The following ZNF727 variants were observed in gnomAD, a reference collection of about 807,000 sequenced individuals.
ZNF727 encodes the protein putative zinc finger protein 727.
A neutral mutation model predicts 11.5 loss-of-function variants in ZNF727; 11 were observed. The observed-to-expected ratio is 0.95, with a 90% CI of 0.60 to 1.58. The LOEUF is 1.58. ZNF727 is among the 40% of genes most tolerant of loss of function. ZNF727 has a pLI of 0.00. For missense variants in ZNF727, 533 were observed against 581.7 expected (o/e 0.92, Z 0.86); for synonymous variants, 171 against 196.1 (o/e 0.87, Z 1.07).
Position 64,082,158 on chromosome 7 carries a change from G to C in ZNF727, c.*3609G>C, listed in dbSNP as rs936697904. On this transcript the variant is annotated 3_prime_UTR_variant, in exon 4 of 4. Coordinates refer to ENST00000456806, the MANE Select transcript of ZNF727 (RefSeq NM_001159522.3). ...GGGTAGCAAGGACAGTTCTACTGCAGAGGCAATGGCAAAAATATTTTCAGT... is the reference window on the plus strand; with the variant it reads ...GGGTAGCAAGGACAGTTCTACTGCACAGGCAATGGCAAAAATATTTTCAGT... 5.3e-5 allele frequency among the ~76,000 whole-genome samples: 8 copies of C among 152,150 alleles called. No homozygotes were observed. Among genetic ancestry groups the C allele is most frequent in the African/African-American group, 1.7e-4 (7 of 41,428 alleles).
At chr7:64,047,341 A>T (rs1056887647) in intron 1 of ZNF727, among the ~76,000 whole-genome samples, 25 of 152,340 alleles carry the variant, frequency 1.6e-4, no homozygotes, top group African/African-American at 6.0e-4. Flanking sequence ...TTTTTGTTTA[A>T]GAGAGCAGTA....
chr7:64,056,187 T>C (rs535147479), intron 1 of ZNF727, among the ~76,000 whole-genome samples: 17 of 152,322 alleles, frequency 1.1e-4, no homozygotes, highest in African/African-American at 3.6e-4. Flanking sequence ...TAAATCTTGG[T>C]ATTTGTTGAA....
intron 1 of ZNF727, among the ~76,000 whole-genome samples, chr7:64,046,285 G>A (rs975794748): frequency 6.6e-6 from 1 of 152,072 alleles, no homozygotes; most frequent in Non-Finnish European, 1.5e-5. Context: ...CCCCCCTCGG[G>A]CCTCCTAAAG....
chr7:64,077,388 A>C lies in ZNF727; in HGVS notation c.339A>C (p.Leu113Phe), dbSNP rs1456148119. The C allele has an allele frequency of 2.0e-5, 31 of 1,551,756 alleles. 1 individual carries two copies. In the Admixed American group the frequency reaches 5.7e-4, roughly 28 times the overall value. Residue 113 changes from leucine (L) to phenylalanine (F), a missense_variant, in exon 4 of 4, where the codon TTA (leucine) becomes TTC (phenylalanine). Around this residue, in one of 3 missense-constraint regions of ZNF727, gnomAD observed 463 missense variants for 494.5 expected, o/e 0.94. Transcript: ENST00000456806. Reference protein sequence around the residue: ...SGSCDLNTLRLKKDYQRVGNC... With the variant: ...SGSCDLNTLRFKKDYQRVGNC... ...GCTGTGACCTTAATACTTTACGTTT[A>C]AAGAAAGACTACCAACGTGTGGGTA...
In ZNF727 at chr7:64,058,950, C is replaced by CTTTTTTTTTTTTTTTTTTTTTTTTT. The variant is rs560995822; in HGVS notation, c.4-9929_4-9928insTTTTTTTTTTTTTTTTTTTTTTTTT. Among the ~76,000 whole-genome samples the CTTTTTTTTTTTTTTTTTTTTTTTTT allele has an allele frequency of 3.4e-5, 5 of 145,406 alleles. No homozygotes were observed. The East Asian group carries it at 6.6e-4, about 19-fold the overall frequency. Reference sequence around the variant, plus strand: ...CTATTGCTTATGGCTATTGCATTGTCTTTTTTTTTTTTGAGACGGAGTCTC... The same window carrying CTTTTTTTTTTTTTTTTTTTTTTTTT: ...CTATTGCTTATGGCTATTGCATTGTCTTTTTTTTTTTTTTTTTTTTTTTTTTTTTTTTTTTTTGAGACGGAGTCTC... On this transcript the variant is annotated intron_variant, in intron 1 of 3. Transcript: ENST00000456806.
rs576654471 is a variant in ZNF727 at position 64,061,466 on chromosome 7, G to GT, written c.4-7422dup. Among the ~76,000 whole-genome samples, 171 of 150,712 alleles carry GT rather than the reference G, an allele frequency of 1.1e-3. 1 individual carries two copies. The highest frequency in any genetic ancestry group is 3.9e-3 in the African/African-American group (160 of 41,166). Reference sequence around the variant, plus strand: ...TATAGTTTTTTTTTTCTTGAAATCTGTTTGGTTTAATATAAGTATAGCTAT... The same window carrying GT: ...TATAGTTTTTTTTTTCTTGAAATCTGTTTTGGTTTAATATAAGTATAGCTAT... On this transcript the variant is annotated intron_variant, in intron 1 of 3. Coordinates refer to ENST00000456806, the MANE Select transcript of ZNF727 (RefSeq NM_001159522.3).
In ZNF727 at chr7:64,079,705, A is replaced by T. The variant is rs1293798260; in HGVS notation, c.*1156A>T. On this transcript the variant is annotated 3_prime_UTR_variant, in exon 4 of 4. Coordinates refer to ENST00000456806, the MANE Select transcript of ZNF727 (RefSeq NM_001159522.3). ...GTGTGGATTTGATTCTGTCATGATC[A>T]TCTTAGCTGGCTATTTTGCACATTT... Among the ~76,000 whole-genome samples, 1 of 152,154 alleles carries T rather than the reference A, an allele frequency of 6.6e-6. No individual in the cohort carries two copies. Among genetic ancestry groups the T allele is most frequent in the Non-Finnish European group, 1.5e-5 (1 of 68,024 alleles).
In ZNF727 at chr7:64,080,886, G is replaced by GT. The variant is rs1358469312; in HGVS notation, c.*2342dup. Among the ~76,000 whole-genome samples, 429 of 147,832 alleles carry GT rather than the reference G, an allele frequency of 2.9e-3. 2 individuals are homozygous for GT. Among genetic ancestry groups the GT allele is most frequent in the African/African-American group, 0.01 (406 of 39,902 alleles). On this transcript the variant is annotated 3_prime_UTR_variant, in exon 4 of 4. Coordinates refer to ENST00000456806, the MANE Select transcript of ZNF727 (RefSeq NM_001159522.3). The stretch of plus-strand genomic sequence containing the variant: ...GGGAGTTTTTTGTTTTTTGTTTTTT[G>GT]TTTTTGTTTTTTTTTTTGTGGTGGT...
chr7:64,048,946 T>G (rs558018206), intron 1 of ZNF727, among the ~76,000 whole-genome samples: 7 of 152,284 alleles, frequency 4.6e-5, no homozygotes, highest in Admixed American at 1.3e-4. Flanking sequence ...ATTTGTCCAG[T>G]GCTGGGTTTT....
chr7:64,072,142 G>C (rs7807313), intron 3 of ZNF727, among the ~76,000 whole-genome samples: 3,974 of 152,072 alleles, frequency 0.026, 129 homozygotes, highest in South Asian at 0.11. Flanking sequence ...TTTAATAGGG[G>C]ATTTATTGAA....
intron 3 of ZNF727, among the ~76,000 whole-genome samples, chr7:64,072,911 G>C (rs1789984668): frequency 6.6e-6 from 1 of 152,014 alleles, no homozygotes; most frequent in Admixed American, 6.6e-5. Flanking sequence ...GTATCACCCA[G>C]GCTGGTCTCA....
chr7:64,070,926 C>T (rs1275972466), intron 3 of ZNF727, among the ~76,000 whole-genome samples: 1 of 151,974 alleles, frequency 6.6e-6, no homozygotes, highest in Non-Finnish European at 1.5e-5. Flanking sequence ...TCTAGGTCCA[C>T]CCATGTTGTA....
intron 1 of ZNF727, among the ~76,000 whole-genome samples, chr7:64,063,915 A>C (rs1789821679): frequency 6.6e-6 from 1 of 152,010 alleles, no homozygotes; most frequent in Non-Finnish European, 1.5e-5. Context: ...CACCACCCAG[A>C]GCCCACAGTA....
chr7:64,060,340 C>A (rs1789750105), intron 1 of ZNF727, among the ~76,000 whole-genome samples: 1 of 152,126 alleles, frequency 6.6e-6, no homozygotes, highest in African/African-American at 2.4e-5. Context: ...TACAGAATTA[C>A]CAGACAGGAT....
intron 1 of ZNF727, among the ~76,000 whole-genome samples, chr7:64,057,220 G>A (rs1789698677): frequency 6.6e-6 from 1 of 152,070 alleles, no homozygotes. Context: ...TTTTTACAAT[G>A]TATTTTTTAA....
chr7:64,078,018 G>T lies in ZNF727; in HGVS notation c.969G>T (p.Trp323Cys). ...ATGAATGTGGAAAAGCTTTTATGTG[G>T]ATCTCGGCCCTTAGTCAACATAACA... is the stretch of plus-strand genomic sequence containing the variant. Reference protein sequence around the residue: ...KCNECGKAFMWISALSQHNRI... With the variant: ...KCNECGKAFMCISALSQHNRI... Residue 323 changes from tryptophan (W) to cysteine (C), a missense_variant, in exon 4 of 4, where the codon TGG becomes TGT. By Grantham distance (215) the Trp-to-Cys change is radical. Transcript: ENST00000456806. 2 of 1,606,580 alleles carry T rather than the reference G, an allele frequency of 1.2e-6. No individual in the cohort carries two copies. The highest frequency in any genetic ancestry group is 8.5e-7 in the Non-Finnish European group (1 of 1,176,350).
At chr7:64,063,479 A>ATC (rs777067252) in intron 1 of ZNF727, among the ~76,000 whole-genome samples, 9 of 151,480 alleles carry the variant, frequency 5.9e-5, no homozygotes, top group South Asian at 4.2e-4. Flanking sequence ...AATAAATGGA[A>ATC]TCTCTCTCTC....
chr7:64,061,696 TAAAG>T (rs1249200427), intron 1 of ZNF727, among the ~76,000 whole-genome samples: 3 of 152,004 alleles, frequency 2.0e-5, no homozygotes, highest in Non-Finnish European at 2.9e-5. Flanking sequence ...TATTAATAAA[TAAAG>T]ACACATCTGC....
At chr7:64,073,139 C>T (rs1443872479) in intron 3 of ZNF727, among the ~76,000 whole-genome samples, 1 of 151,132 alleles carries the variant, frequency 6.6e-6, no homozygotes, top group Admixed American at 6.6e-5. Context: ...ATTTTTTTTT[C>T]ATCACCTTGA....
Sources: gnomAD v4.1 joint callset for allele counts (sites outside exome capture counted in the v4.1 genomes callset) on GRCh38, gnomAD v4.1.1 for gene constraint, gnomAD v4.1.1 regional missense constraint, MANE v1.5 for transcripts, NCBI Gene and HGNC (gene_info 2026-07-23, HGNC 2026-07-21) for gene names.